Variants in MDGA2 observed in about 807,000 individuals in gnomAD.
MDGA2 encodes MAM domain containing glycosylphosphatidylinositol anchor 2.
MDGA2 carries 40 observed loss-of-function variants against 117.8 expected under a neutral mutation model. The observed-to-expected ratio is 0.34, with a 90% CI of 0.26 to 0.44. The LOEUF (loss-of-function observed/expected upper bound fraction) is 0.44, where lower values mean the gene tolerates loss of function less well. Among genes scored for constraint, MDGA2 ranks in the 20% least tolerant of loss-of-function variants. The probability of loss-of-function intolerance (pLI) is 1.00; values close to 1 mark genes in which losing one functional copy is unlikely to be tolerated. For missense variants in MDGA2, 1,123 were observed against 1,250.6 expected (o/e 0.90, Z 1.54); for synonymous variants, 452 against 439.0 (o/e 1.03, Z -0.37).
chr14:46,893,730 T>C (rs1055870912), intron 10 of MDGA2, among the ~76,000 whole-genome samples: 1 of 152,050 alleles, frequency 6.6e-6, no homozygotes, highest in African/African-American at 2.4e-5. Flanking sequence ...ACGACTACAT[T>C]ATTCTTTACA....
At chr14:46,911,894 G>T (rs990212168) in intron 10 of MDGA2, among the ~76,000 whole-genome samples, 2 of 152,112 alleles carry the variant, frequency 1.3e-5, no homozygotes, top group Non-Finnish European at 2.9e-5. Context: ...GGGTGGGGCA[G>T]GGCTTATTCC....
intron 1 of MDGA2, among the ~76,000 whole-genome samples, chr14:47,409,067 A>G (rs1892318934): frequency 6.6e-6 from 1 of 152,190 alleles, no homozygotes; most frequent in African/African-American, 2.4e-5. Flanking sequence ...CGATAAAACC[A>G]GAAAGGCGGG....
intron 1 of MDGA2, among the ~76,000 whole-genome samples, chr14:47,498,921 C>T (rs1354158438): frequency 6.6e-6 from 1 of 152,020 alleles, no homozygotes; most frequent in Non-Finnish European, 1.5e-5. Flanking sequence ...CTGACATCAC[C>T]ATTTATAATT....
chr14:47,039,413 T>G (rs1265290167), intron 7 of MDGA2, among the ~76,000 whole-genome samples: 1 of 152,204 alleles, frequency 6.6e-6, no homozygotes, highest in East Asian at 1.9e-4. Context: ...TAAAACTATG[T>G]CTCATATCTG....
intron 1 of MDGA2, among the ~76,000 whole-genome samples, chr14:47,667,024 A>G (rs1339862101): frequency 6.6e-6 from 1 of 152,212 alleles, no homozygotes; most frequent in Non-Finnish European, 1.5e-5. Context: ...AACTCCGGAC[A>G]CACTGCCTTT....
chr14:47,380,550 C>G (rs1291277473), intron 1 of MDGA2, among the ~76,000 whole-genome samples: 1 of 152,036 alleles, frequency 6.6e-6, no homozygotes, highest in African/African-American at 2.4e-5. Context: ...ACCGATCCCA[C>G]AGAAATACAA....
At chr14:46,958,103 T>A (rs1885637523) in intron 8 of MDGA2, among the ~76,000 whole-genome samples, 1 of 152,162 alleles carries the variant, frequency 6.6e-6, no homozygotes. Context: ...CAAAACTGTA[T>A]GAAAAATAAT....
Position 47,278,840 on chromosome 14 carries a change from T to C in MDGA2, c.420+22571A>G, listed in dbSNP as rs975090738. Among the ~76,000 whole-genome samples the C allele has an allele frequency of 7.2e-5, 11 of 152,204 alleles. No homozygotes were observed. The South Asian group carries it at 1.2e-3, about 17-fold the overall frequency. On this transcript the variant is annotated intron_variant, in intron 2 of 16. Coordinates refer to ENST00000399232, the MANE Select transcript of MDGA2 (RefSeq NM_001113498.3). ...TGTATGTTCTTTCAGGATTATTCCA[T>C]GAATTTTTCATACACATGCCAGCAC...
chr14:46,932,192 G>T (rs2138552055), intron 9 of MDGA2, among the ~76,000 whole-genome samples: 1 of 151,664 alleles, frequency 6.6e-6, no homozygotes. Context: ...CATAAAGAAC[G>T]ATAGCATAAA....
At chr14:47,176,107 CT>C (rs1301188558) in intron 3 of MDGA2, among the ~76,000 whole-genome samples, 2 of 152,022 alleles carry the variant, frequency 1.3e-5, no homozygotes, top group African/African-American at 2.4e-5. Context: ...TGTGAAGGAC[CT>C]CTTCAAAGAG....
At chr14:47,380,278 A>G (rs1042247065) in intron 1 of MDGA2, among the ~76,000 whole-genome samples, 3 of 152,184 alleles carry the variant, frequency 2.0e-5, no homozygotes, top group Non-Finnish European at 4.4e-5. Context: ...GGAAAGATCT[A>G]AAATTGACAC....
chr14:47,498,652 C>T (rs1894332937), intron 1 of MDGA2, among the ~76,000 whole-genome samples: 1 of 152,070 alleles, frequency 6.6e-6, no homozygotes, highest in Admixed American at 6.6e-5. Flanking sequence ...AAAATAATGG[C>T]ATTACTTAAA....
Position 47,561,163 on chromosome 14 carries a change from G to GTTTTT in MDGA2, c.280+113349_280+113353dup, listed in dbSNP as rs1309865250. On this transcript the variant is annotated intron_variant, in intron 1 of 16. Coordinates refer to ENST00000399232, the MANE Select transcript of MDGA2 (RefSeq NM_001113498.3). ...TTTGTTTTTTTTTTTGTTTTGTTTT[G>GTTTTT]TTTTTTTGTTTGTTTGTTTTTTTTT... Among the ~76,000 whole-genome samples the GTTTTT allele has an allele frequency of 1.8e-4, 15 of 83,866 alleles. 1 individual carries two copies. The highest frequency in any genetic ancestry group is 2.7e-4 in the Admixed American group (2 of 7,528). The allele number at this position is 83,866 out of a possible 152,430, so 55.0% of individuals were successfully genotyped here.
chr14:46,977,885 C>T (rs1191207644), intron 8 of MDGA2, among the ~76,000 whole-genome samples: 1 of 151,318 alleles, frequency 6.6e-6, no homozygotes, highest in Non-Finnish European at 1.5e-5. Flanking sequence ...CATCTTAGGC[C>T]AAAAAAGTAG....
At chr14:47,368,070 A>G (rs911393624) in intron 1 of MDGA2, among the ~76,000 whole-genome samples, 3 of 152,050 alleles carry the variant, frequency 2.0e-5, no homozygotes, top group Non-Finnish European at 4.4e-5. Context: ...TCCTGAGGTC[A>G]GGAGTTCGAG....
chr14:47,024,120 T>A (rs939978814), intron 8 of MDGA2, among the ~76,000 whole-genome samples: 3 of 152,156 alleles, frequency 2.0e-5, no homozygotes, highest in Non-Finnish European at 4.4e-5. Context: ...GATGAGTAGA[T>A]AGGGATACAT....
At chr14:47,198,705 CTTTTA>C (rs748346539) in intron 3 of MDGA2, among the ~76,000 whole-genome samples, 29 of 152,222 alleles carry the variant, frequency 1.9e-4, no homozygotes, top group Admixed American at 3.9e-4. Flanking sequence ...TGTTTTCAGA[CTTTTA>C]TTTTATAAGT....
intron 1 of MDGA2, among the ~76,000 whole-genome samples, chr14:47,328,619 T>C (rs1890209217): frequency 6.6e-6 from 1 of 152,212 alleles, no homozygotes; most frequent in South Asian, 2.1e-4. Flanking sequence ...GAAAGAACTG[T>C]GTCCCTGTGT....
chr14:47,659,352 T>C (rs1216541685), intron 1 of MDGA2, among the ~76,000 whole-genome samples: 4 of 152,208 alleles, frequency 2.6e-5, no homozygotes, highest in African/African-American at 7.2e-5. Flanking sequence ...AATGTCATAA[T>C]AATTGTTGGG....
Sources: allele counts gnomAD v4.1 joint callset (sites outside exome capture counted in the v4.1 genomes callset), GRCh38; gene constraint gnomAD v4.1.1; transcripts MANE v1.5; gene names NCBI Gene and HGNC (gene_info 2026-07-23, HGNC 2026-07-21).